CCNY: variants seen among roughly 807,000 people sequenced by gnomAD.
CCNY encodes cyclin-Y.
A neutral mutation model predicts 42.8 loss-of-function variants in CCNY; 19 were observed. That is an observed-to-expected ratio of 0.44 (90% CI 0.31 to 0.65). The LOEUF is 0.65. Ranked by LOEUF, CCNY falls within the 30% of genes least tolerant of loss-of-function variation. The probability of loss-of-function intolerance (pLI) is 0.07; values close to 1 mark genes in which losing one functional copy is unlikely to be tolerated. For missense variants in CCNY, 370 were observed against 437.3 expected (o/e 0.85, Z 1.37); for synonymous variants, 165 against 162.7 (o/e 1.01, Z -0.11).
intron 1 of CCNY, among the ~76,000 whole-genome samples, chr10:35,401,408 G>A (rs865901728): frequency 9.9e-5 from 15 of 152,146 alleles, no homozygotes; most frequent in South Asian, 4.1e-4. Context: ...ACACTTTGCC[G>A]TCCAGTTCTG....
chr10:35,326,922 T>C (rs1451097987), intron 3 of CCNY, among the ~76,000 whole-genome samples: 1 of 152,106 alleles, frequency 6.6e-6, no homozygotes, highest in Non-Finnish European at 1.5e-5. Flanking sequence ...ACACCATTGC[T>C]TCCCTTTGTC....
chr10:35,463,140 T>G (rs1249960855), intron 1 of CCNY, among the ~76,000 whole-genome samples: 1 of 152,236 alleles, frequency 6.6e-6, no homozygotes, highest in Non-Finnish European at 1.5e-5. Context: ...TGCATTCAGA[T>G]GTGCTAGATG....
In CCNY at chr10:35,569,197, C is replaced by CTG. The variant is rs746819662; in HGVS notation, c.*27_*28insTG. On this transcript the variant is annotated 3_prime_UTR_variant, in exon 10 of 10. Coordinates refer to ENST00000374704, the MANE Select transcript of CCNY (RefSeq NM_145012.6). ...TACGGAGGCCCGCCGGAGGCCACACCATCCCTTAGTTTCTCCTTTAGTTTG... is the reference window on the plus strand; with the variant it reads ...TACGGAGGCCCGCCGGAGGCCACACCTGATCCCTTAGTTTCTCCTTTAGTTTG... 3 of 1,295,738 alleles carry CTG rather than the reference C, an allele frequency of 2.3e-6. No individual in the cohort carries two copies. Among genetic ancestry groups the CTG allele is most frequent in the Non-Finnish European group, 2.2e-6 (2 of 894,640 alleles). 80.3% of individuals were successfully genotyped at this position (1,295,738 alleles called of 1,614,324 possible). A position where few individuals can be genotyped will look rare whatever the true frequency, so the allele number is the denominator to read the frequency against.
At chr10:35,386,236 G>A (rs1837297969) in intron 1 of CCNY, among the ~76,000 whole-genome samples, 1 of 152,196 alleles carries the variant, frequency 6.6e-6, no homozygotes, top group Non-Finnish European at 1.5e-5. Flanking sequence ...TCGTGTCAGA[G>A]TCTCTGGAAC....
chr10:35,359,586 G>A (rs1032760902), intron 1 of CCNY, among the ~76,000 whole-genome samples: 5 of 151,734 alleles, frequency 3.3e-5, no homozygotes, highest in Non-Finnish European at 7.4e-5. Flanking sequence ...AGCGATCTGC[G>A]CGCCTTGGCC....
intron 1 of CCNY, among the ~76,000 whole-genome samples, chr10:35,395,206 A>G (rs1411730514): frequency 6.6e-6 from 1 of 152,114 alleles, no homozygotes; most frequent in Non-Finnish European, 1.5e-5. Context: ...CCAGAAAGTG[A>G]TGGGTAATAG....
intron 1 of CCNY, chr10:35,347,568 A>G (rs1477129066): frequency 3.7e-6 from 1 of 270,090 alleles, no homozygotes; most frequent in South Asian, 1.4e-4. Context: ...TTGGTGGTCA[A>G]TAAGGAAAAA....
intron 3 of CCNY, among the ~76,000 whole-genome samples, chr10:35,514,823 C>G (rs750594654): frequency 6.6e-6 from 1 of 152,092 alleles, no homozygotes; most frequent in African/African-American, 2.4e-5. Flanking sequence ...TAATTAATTA[C>G]TGACTTTTAA....
intron 1 of CCNY, among the ~76,000 whole-genome samples, chr10:35,462,022 A>G (rs779601574): frequency 1.3e-5 from 2 of 152,064 alleles, no homozygotes; most frequent in Non-Finnish European, 2.9e-5. Flanking sequence ...ATTTGCTTCA[A>G]TGGTGGCCAC....
At chr10:35,292,510 A>G (rs1363523864) in intron 3 of CCNY, among the ~76,000 whole-genome samples, 1 of 151,742 alleles carries the variant, frequency 6.6e-6, no homozygotes, top group African/African-American at 2.4e-5. Context: ...ACAGGCGTGC[A>G]CTACCGTGCC....
intron 3 of CCNY, chr10:35,314,721 C>T (rs1835733550): frequency 6.6e-6 from 1 of 152,228 alleles, no homozygotes; most frequent in Non-Finnish European, 1.5e-5. Context: ...TCAATATCTC[C>T]TGCCTGTCAT....
intron 1 of CCNY, among the ~76,000 whole-genome samples, chr10:35,441,406 T>C (rs1038413639): frequency 6.6e-6 from 1 of 152,222 alleles, no homozygotes; most frequent in Non-Finnish European, 1.5e-5. Flanking sequence ...GTACGTTTCT[T>C]GTTTTCTTAA....
At chr10:35,518,477 G>A (rs1204028952) in intron 4 of CCNY, among the ~76,000 whole-genome samples, 1 of 150,736 alleles carries the variant, frequency 6.6e-6, no homozygotes, top group African/African-American at 2.5e-5. Context: ...TCTGGCTGAG[G>A]CATACTGTGG....
At chr10:35,410,463 A>G (rs1837879915) in intron 1 of CCNY, among the ~76,000 whole-genome samples, 1 of 152,214 alleles carries the variant, frequency 6.6e-6, no homozygotes, top group South Asian at 2.1e-4. Flanking sequence ...AACACTGCAG[A>G]TAAATTTTAA....
chr10:35,528,673 C>G (rs1481584597), intron 5 of CCNY, among the ~76,000 whole-genome samples: 2 of 152,100 alleles, frequency 1.3e-5, no homozygotes, highest in African/African-American at 2.4e-5. Flanking sequence ...TGCAGTGAGC[C>G]GAGATTGCAC....
At chr10:35,363,587 A>C (rs1836747815) in intron 1 of CCNY, among the ~76,000 whole-genome samples, 1 of 152,188 alleles carries the variant, frequency 6.6e-6, no homozygotes, top group South Asian at 2.1e-4. Flanking sequence ...GAAAAGACTG[A>C]ATCAGTGAGA....
At chr10:35,418,266 T>A (rs1037995480) in intron 1 of CCNY, among the ~76,000 whole-genome samples, 4 of 152,088 alleles carry the variant, frequency 2.6e-5, no homozygotes, top group African/African-American at 9.7e-5. Flanking sequence ...CTACACCAAA[T>A]GTGTAGCTGT....
intron 1 of CCNY, among the ~76,000 whole-genome samples, chr10:35,389,420 T>A (rs1483391685): frequency 6.7e-6 from 1 of 149,870 alleles, no homozygotes. Context: ...ATGAACAAAC[T>A]AAGAAATAGA....
intron 1 of CCNY, among the ~76,000 whole-genome samples, chr10:35,462,772 A>C (rs768554212): frequency 6.6e-6 from 1 of 152,200 alleles, no homozygotes; most frequent in Non-Finnish European, 1.5e-5. Flanking sequence ...CACAGCCTGC[A>C]CAAGTTGTGT....
Sources: gnomAD v4.1 joint callset for allele counts (sites outside exome capture counted in the v4.1 genomes callset) on GRCh38, gnomAD v4.1.1 for gene constraint, MANE v1.5 for transcripts, NCBI Gene and HGNC (gene_info 2026-07-23, HGNC 2026-07-21) for gene names.